The following FAM227B variants were observed in gnomAD, a reference collection of about 807,000 sequenced individuals.
FAM227B encodes family with sequence similarity 227 member B.
FAM227B carries 88 observed loss-of-function variants against 73.8 expected under a neutral mutation model. The ratio of observed to expected loss-of-function variants is 1.19; its 90% confidence interval spans 1.00 to 1.42. The LOEUF is 1.42. Among genes scored for constraint, FAM227B ranks in the 40% most tolerant of loss-of-function variants. The pLI, the probability that FAM227B is intolerant of heterozygous loss-of-function variation, is 0.00. For missense variants in FAM227B, 632 were observed against 590.9 expected (o/e 1.07, Z -0.72); for synonymous variants, 210 against 190.5 (o/e 1.10, Z -0.84).
chr15:49,553,197 G>C (rs1031608101), intron 9 of FAM227B, among the ~76,000 whole-genome samples: 8 of 152,180 alleles, frequency 5.3e-5, no homozygotes, highest in African/African-American at 1.9e-4. Context: ...GTAACACTGT[G>C]GTTCTTGCAG....
chr15:49,585,586 T>G (rs183482267), intron 5 of FAM227B, among the ~76,000 whole-genome samples: 16 of 151,696 alleles, frequency 1.1e-4, no homozygotes, highest in Admixed American at 3.9e-4. Context: ...GCAAACTATC[T>G]CAAGGACAAA....
intron 11 of FAM227B, among the ~76,000 whole-genome samples, chr15:49,372,105 A>AAAATTCATTTATAAATAAATG: frequency 1.1e-5 from 1 of 94,734 alleles, no homozygotes; most frequent in East Asian, 2.6e-4. Context: ...TAAATGAAAT[A>AAAATTCATTTATAAATAAATG]AAATTCATTT....
At chr15:49,612,191 A>G (rs2077980638) in intron 2 of FAM227B, among the ~76,000 whole-genome samples, 1 of 152,024 alleles carries the variant, frequency 6.6e-6, no homozygotes, top group African/African-American at 2.4e-5. Context: ...TGCTGCACCC[A>G]TTAACTCGTC....
At chr15:49,349,219 A>G (rs1000817226) in intron 13 of FAM227B, among the ~76,000 whole-genome samples, 23 of 152,198 alleles carry the variant, frequency 1.5e-4, no homozygotes, top group Non-Finnish European at 1.5e-5. Context: ...TCTCTGGCTC[A>G]AGGTGGCTGA....
At chr15:49,538,987 G>A (rs541635388) in intron 10 of FAM227B, among the ~76,000 whole-genome samples, 25 of 152,098 alleles carry the variant, frequency 1.6e-4, no homozygotes, top group African/African-American at 2.9e-4. Context: ...TTCTGTTGGC[G>A]GTATCATGTT....
chr15:49,453,356 C>T (rs1032854340), intron 11 of FAM227B, among the ~76,000 whole-genome samples: 6 of 152,072 alleles, frequency 3.9e-5, no homozygotes, highest in African/African-American at 1.2e-4. Context: ...TGCTCACCTC[C>T]GCCTCCCAAA....
Position 49,328,628 on chromosome 15 carries a change from T to A in FAM227B, c.1467A>T (p.Ser489=). 1 of 1,582,398 alleles carries A rather than the reference T, an allele frequency of 6.3e-7. No homozygotes were observed. Among genetic ancestry groups the A allele is most frequent in the East Asian group, 2.3e-5 (1 of 44,208 alleles). ...IERECVASLS[S]SSSSSPSSTD... ...TTGATGATGGTGATGATGATGATGATGACGATAGTGATGCCACACATTCTC... is the reference window on the plus strand; with the variant it reads ...TTGATGATGGTGATGATGATGATGAAGACGATAGTGATGCCACACATTCTC... The change falls in exon 16 of 16, where the codon TCA becomes TCT. Residue 489 remains serine, a synonymous_variant. Coordinates refer to ENST00000299338, the MANE Select transcript of FAM227B (RefSeq NM_152647.3).
intron 3 of FAM227B, among the ~76,000 whole-genome samples, chr15:49,595,431 C>T (rs1321758504): frequency 6.6e-6 from 1 of 151,648 alleles, no homozygotes; most frequent in Non-Finnish European, 1.5e-5. Flanking sequence ...TTTGGATGCC[C>T]CTATTTCTTT....
At chr15:49,615,595 T>G (rs1361048274) in intron 1 of FAM227B, among the ~76,000 whole-genome samples, 5 of 152,152 alleles carry the variant, frequency 3.3e-5, no homozygotes. Flanking sequence ...CTTCACCTTC[T>G]GCCATGATTG....
chr15:49,477,452 G>C (rs2055449219), intron 11 of FAM227B, among the ~76,000 whole-genome samples: 1 of 152,140 alleles, frequency 6.6e-6, no homozygotes, highest in Non-Finnish European at 1.5e-5. Context: ...TTTCAGACTG[G>C]TTTCTTTCAC....
intron 11 of FAM227B, chr15:49,424,977 G>A (rs142707809): frequency 6.5e-6 from 1 of 153,970 alleles, no homozygotes; most frequent in African/African-American, 2.4e-5. Flanking sequence ...AGTTTAAAGA[G>A]TAGGGAAATT....
At chr15:49,588,286 C>T (rs74012429) in intron 4 of FAM227B, among the ~76,000 whole-genome samples, 2,219 of 151,226 alleles carry the variant, frequency 0.015, 70 homozygotes, top group African/African-American at 0.052. Context: ...CTTCTGTTTC[C>T]TTTTTCTGAA....
In FAM227B at chr15:49,367,480, G is replaced by C; in HGVS notation, c.1239C>G (p.Thr413=). 1 of 1,598,414 alleles carries C rather than the reference G, an allele frequency of 6.3e-7. No homozygotes were observed. Among genetic ancestry groups the C allele is most frequent in the Non-Finnish European group, 8.5e-7 (1 of 1,176,348 alleles). The part of the protein sequence containing the change: ...LAGISKAPKK[T]KIKLTKIFQE... ...GGAATATCTTAGTGAGTTTAATCTTGGTTTTCTTAGGTGCTTTGGAAATAC... is the reference window on the plus strand; with the variant it reads ...GGAATATCTTAGTGAGTTTAATCTTCGTTTTCTTAGGTGCTTTGGAAATAC... The change falls in exon 13 of 16, where the codon ACC becomes ACG. Residue 413 remains threonine (T), a synonymous_variant. Coordinates refer to ENST00000299338, the MANE Select transcript of FAM227B (RefSeq NM_152647.3).
At chr15:49,475,496 T>G (rs1427736796) in intron 11 of FAM227B, among the ~76,000 whole-genome samples, 1 of 152,162 alleles carries the variant, frequency 6.6e-6, no homozygotes, top group African/African-American at 2.4e-5. Flanking sequence ...GGCTTGCAAA[T>G]GTATTTAAAC....
At chr15:49,449,619 ATATAGTTTAAGGCAAATATGCCATACTG>A (rs1203936873) in intron 11 of FAM227B, among the ~76,000 whole-genome samples, 5 of 151,986 alleles carry the variant, frequency 3.3e-5, no homozygotes, top group African/African-American at 7.2e-5. Context: ...CTTCCCATTA[ATATAGTTTAAGGCAAATATGCCATACTG>A]TCGGCTCATC....
At chr15:49,479,945 T>C (rs1303785675) in intron 11 of FAM227B, among the ~76,000 whole-genome samples, 1 of 152,176 alleles carries the variant, frequency 6.6e-6, no homozygotes, top group Non-Finnish European at 1.5e-5. Flanking sequence ...TATTTGTGCA[T>C]ATTGAAAGGA....
intron 11 of FAM227B, among the ~76,000 whole-genome samples, chr15:49,466,278 T>C (rs952386573): frequency 2.0e-5 from 3 of 152,182 alleles, no homozygotes; most frequent in African/African-American, 7.2e-5. Flanking sequence ...TGTGATTCCA[T>C]GCAATCAGTC....
At chr15:49,508,865 G>A (rs1330152155) in intron 10 of FAM227B, among the ~76,000 whole-genome samples, 2 of 152,116 alleles carry the variant, frequency 1.3e-5, no homozygotes, top group Non-Finnish European at 2.9e-5. Flanking sequence ...TAGAAAAATT[G>A]AAGTATAGTA....
At chr15:49,495,122 G>A (rs181823030) in intron 11 of FAM227B, among the ~76,000 whole-genome samples, 61 of 152,164 alleles carry the variant, frequency 4.0e-4, no homozygotes, top group African/African-American at 1.4e-3. Flanking sequence ...ATGGAAACCT[G>A]CTGTTTCAAA....
Sources: allele counts gnomAD v4.1 joint callset (sites outside exome capture counted in the v4.1 genomes callset), GRCh38; gene constraint gnomAD v4.1.1; transcripts MANE v1.5; gene names NCBI Gene and HGNC (gene_info 2026-07-23, HGNC 2026-07-21).